Variants in SLIT3 observed in about 807,000 individuals in gnomAD.
SLIT3 encodes the protein slit homolog 3 protein.
SLIT3 carries 68 observed loss-of-function variants against 184.0 expected under a neutral mutation model. That is an observed-to-expected ratio of 0.37 (90% CI 0.30 to 0.45). SLIT3 has a LOEUF of 0.45. Ranked by LOEUF, SLIT3 falls within the 20% of genes least tolerant of loss-of-function variation. The pLI is 1.00. For missense variants in SLIT3, 1,707 were observed against 2,026.0 expected (o/e 0.84, Z 3.02); for synonymous variants, 831 against 828.6 (o/e 1.00, Z -0.05).
At chr5:169,040,869 A>G (rs1179975723) in intron 4 of SLIT3, among the ~76,000 whole-genome samples, 1 of 152,242 alleles carries the variant, frequency 6.6e-6, no homozygotes, top group Middle Eastern at 3.2e-3. Context: ...AACAGCGGCA[A>G]TCTTTCTTAG....
At position 168,873,957 on chromosome 5, in the gene SLIT3, A is replaced by T. The variant is rs117889219; in HGVS notation, c.485+9308T>A. 5.6e-4 allele frequency among the ~76,000 whole-genome samples: 86 copies of T among 152,228 alleles called. No individual in the cohort carries two copies. In the East Asian group the frequency reaches 0.014, roughly 26 times the overall value. On this transcript the variant is annotated intron_variant, in intron 5 of 35. Coordinates refer to ENST00000519560, the MANE Select transcript of SLIT3 (RefSeq NM_003062.4). ...ACTCATCTCCTCCTAAGTCCCTTAC[A>T]TTTCTCTGTGGAGCTAAAAATCACC...
At chr5:168,698,152 T>C (rs774052981) in intron 27 of SLIT3, among the ~76,000 whole-genome samples, 1 of 152,126 alleles carries the variant, frequency 6.6e-6, no homozygotes, top group Non-Finnish European at 1.5e-5. Context: ...TGCAGCAAGA[T>C]TAGAGAAGCA....
intron 4 of SLIT3, among the ~76,000 whole-genome samples, chr5:168,992,306 A>C (rs188512645): frequency 6.6e-6 from 1 of 152,350 alleles, no homozygotes; most frequent in Admixed American, 6.5e-5. Context: ...AGGCAGCCTT[A>C]TGAATGGGGA....
At chr5:168,858,389 G>A (rs956004264) in intron 5 of SLIT3, among the ~76,000 whole-genome samples, 1 of 152,208 alleles carries the variant, frequency 6.6e-6, no homozygotes, top group Non-Finnish European at 1.5e-5. Context: ...TGCCCTTTCT[G>A]GCAAGTTCAT....
intron 4 of SLIT3, among the ~76,000 whole-genome samples, chr5:168,967,966 C>G (rs1283048492): frequency 1.3e-5 from 2 of 152,234 alleles, no homozygotes; most frequent in Non-Finnish European, 2.9e-5. Flanking sequence ...GCACCAGATT[C>G]TCTTCCCAAG....
At chr5:169,116,151 G>C (rs917584666) in intron 4 of SLIT3, among the ~76,000 whole-genome samples, 23 of 152,070 alleles carry the variant, frequency 1.5e-4, no homozygotes, top group African/African-American at 5.6e-4. Flanking sequence ...TTATTGTTTG[G>C]ATTATTTTTA....
intron 12 of SLIT3, among the ~76,000 whole-genome samples, chr5:168,780,365 TGCCAAGAAAGATACTCTGTGG>T (rs1403675356): frequency 6.6e-6 from 1 of 152,246 alleles, no homozygotes; most frequent in Non-Finnish European, 1.5e-5. Flanking sequence ...CCCAGGCTCC[TGCCAAGAAAGATACTCTGTGG>T]GCCTTCTTTT....
intron 20 of SLIT3, among the ~76,000 whole-genome samples, chr5:168,745,862 T>C (rs150026399): frequency 7.2e-5 from 11 of 152,296 alleles, no homozygotes; most frequent in Admixed American, 1.3e-4. Flanking sequence ...CCACCCAATG[T>C]TGGCCACCAC....
intron 4 of SLIT3, among the ~76,000 whole-genome samples, chr5:169,177,013 A>C (rs1763007698): frequency 6.6e-6 from 1 of 152,242 alleles, no homozygotes; most frequent in African/African-American, 2.4e-5. Context: ...TTTGTTTCAC[A>C]TAATTCTGTC....
chr5:168,961,943 T>C (rs373535822), intron 4 of SLIT3, among the ~76,000 whole-genome samples: 71 of 152,130 alleles, frequency 4.7e-4, no homozygotes, highest in Middle Eastern at 3.4e-3. Context: ...ACTCTGGGTA[T>C]GATATGGAGA....
intron 3 of SLIT3, among the ~76,000 whole-genome samples, chr5:169,200,808 T>G (rs954009861): frequency 6.6e-6 from 1 of 152,172 alleles, no homozygotes; most frequent in Non-Finnish European, 1.5e-5. Context: ...TTTTTTTTCC[T>G]GCTATGCAAA....
intron 3 of SLIT3, among the ~76,000 whole-genome samples, chr5:169,220,001 G>A (rs111499704): frequency 6.6e-6 from 1 of 152,138 alleles, no homozygotes; most frequent in Admixed American, 6.5e-5. Flanking sequence ...TTCAGCTCAC[G>A]TCTGCTCACT....
At position 168,927,707 on chromosome 5, in the gene SLIT3, C is replaced by T. The variant is rs1405603178; in HGVS notation, c.414-44371G>A. 3.9e-5 allele frequency among the ~76,000 whole-genome samples: 6 copies of T among 152,234 alleles called. No individual in the cohort carries two copies. In the East Asian group the frequency reaches 5.8e-4, roughly 15 times the overall value. Reference sequence around the variant, plus strand: ...TCTGTCTCCCTGAGCTGCTCTACATCGCAGGGCCCCCGCCCTTACCATGTA... The same window carrying T: ...TCTGTCTCCCTGAGCTGCTCTACATTGCAGGGCCCCCGCCCTTACCATGTA... On this transcript the variant is annotated intron_variant, in intron 4 of 35. Transcript: ENST00000519560.
chr5:168,914,355 G>A (rs1199091165), intron 4 of SLIT3, among the ~76,000 whole-genome samples: 1 of 152,278 alleles, frequency 6.6e-6, no homozygotes, highest in South Asian at 2.1e-4. Flanking sequence ...CTAATGTTGT[G>A]GGCAGCCTCT....
intron 4 of SLIT3, chr5:168,993,152 C>T (rs1027747829): frequency 2.0e-5 from 3 of 152,168 alleles, no homozygotes; most frequent in Non-Finnish European, 4.4e-5. Flanking sequence ...AGAGGTGTGT[C>T]TTCCTTCCCA....
chr5:168,896,887 C>A (rs1760682661), intron 4 of SLIT3, among the ~76,000 whole-genome samples: 1 of 152,188 alleles, frequency 6.6e-6, no homozygotes, highest in Non-Finnish European at 1.5e-5. Flanking sequence ...TCTGTGCCGG[C>A]TCAGGGCAAG....
intron 4 of SLIT3, among the ~76,000 whole-genome samples, chr5:168,951,893 G>C (rs1232920391): frequency 6.6e-6 from 1 of 152,152 alleles, no homozygotes; most frequent in Non-Finnish European, 1.5e-5. Flanking sequence ...GATGCACAGG[G>C]CTGTTAGGGA....
At chr5:168,834,427 C>T (rs1374033721) in intron 6 of SLIT3, among the ~76,000 whole-genome samples, 12 of 152,040 alleles carry the variant, frequency 7.9e-5, no homozygotes, top group South Asian at 2.1e-4. Context: ...CACAGTGGCT[C>T]ATGCCTGTAA....
intron 4 of SLIT3, among the ~76,000 whole-genome samples, chr5:169,031,700 G>A (rs540044615): frequency 1.8e-4 from 27 of 152,352 alleles, no homozygotes; most frequent in African/African-American, 6.0e-4. Context: ...ACGGGGTCAG[G>A]AGGAGCAGGG....
Sources: allele counts gnomAD v4.1 joint callset (sites outside exome capture counted in the v4.1 genomes callset), GRCh38; gene constraint gnomAD v4.1.1; transcripts MANE v1.5; gene names NCBI Gene and HGNC (gene_info 2026-07-23, HGNC 2026-07-21).